The following GPC5 variants were observed in gnomAD, a reference collection of about 807,000 sequenced individuals.
The protein encoded by GPC5 is glypican 5, also known as glypican-5.
A neutral mutation model predicts 53.9 loss-of-function variants in GPC5; 47 were observed. The ratio of observed to expected loss-of-function variants is 0.87; its 90% CI spans 0.69 to 1.11. The LOEUF (loss-of-function observed/expected upper bound fraction) is 1.11. Ranked by LOEUF, GPC5 falls within the 50% of genes most tolerant of loss-of-function variation. The pLI is 0.00. For synonymous variants in GPC5, 286 were observed against 263.3 expected, an observed-to-expected ratio of 1.09 and a Z score of -0.84; for missense variants, 748 against 713.1, an observed-to-expected ratio of 1.05 and a Z score of -0.56.
intron 7 of GPC5, among the ~76,000 whole-genome samples, chr13:92,176,252 C>G (rs902251841): frequency 1.3e-5 from 2 of 152,112 alleles, no homozygotes; most frequent in African/African-American, 4.8e-5. Flanking sequence ...AGAGACTACA[C>G]CTTAAGGAGT....
chr13:92,410,793 A>AT (rs1386337815), intron 7 of GPC5, among the ~76,000 whole-genome samples: 2 of 152,206 alleles, frequency 1.3e-5, no homozygotes, highest in East Asian at 1.9e-4. Context: ...TTAAAGTATG[A>AT]TTTTTTGCTA....
In GPC5 at chr13:91,556,173, A is replaced by G. The variant is rs570420901; in HGVS notation, c.325+107251A>G. 4.6e-5 allele frequency among the ~76,000 whole-genome samples: 7 copies of G among 151,834 alleles called. No individual in the cohort carries two copies. In the East Asian group the frequency reaches 1.4e-3, roughly 29 times the overall value. ...CACTATATAACTGGAATCATACAGT[A>G]AGTGACCATTTGAGAGTGGCTTTAA... On this transcript the variant is annotated intron_variant, in intron 2 of 7. Coordinates refer to ENST00000377067, the MANE Select transcript of GPC5 (RefSeq NM_004466.6).
chr13:92,787,192 A>G (rs541911516), intron 7 of GPC5, among the ~76,000 whole-genome samples: 16 of 152,152 alleles, frequency 1.1e-4, no homozygotes, highest in South Asian at 2.1e-4. Flanking sequence ...AAAACAACCC[A>G]AAAAACTGTA....
intron 6 of GPC5, among the ~76,000 whole-genome samples, chr13:92,122,551 T>A (rs1479805758): frequency 6.6e-6 from 1 of 151,806 alleles, no homozygotes; most frequent in African/African-American, 2.4e-5. Context: ...TCTCAGTGTT[T>A]CTCCAGCTTC....
chr13:92,129,880 TGA>T (rs1454857785), intron 6 of GPC5, among the ~76,000 whole-genome samples: 2 of 151,786 alleles, frequency 1.3e-5, no homozygotes, highest in Admixed American at 6.6e-5. Context: ...TAAAGACAAG[TGA>T]GAGAGAATAG....
At chr13:92,226,492 T>C (rs1266783514) in intron 7 of GPC5, among the ~76,000 whole-genome samples, 1 of 152,182 alleles carries the variant, frequency 6.6e-6, no homozygotes, top group East Asian at 1.9e-4. Flanking sequence ...TAATTTATCT[T>C]CTTCTAACTC....
At chr13:92,524,483 T>G (rs1881199871) in intron 7 of GPC5, among the ~76,000 whole-genome samples, 1 of 152,102 alleles carries the variant, frequency 6.6e-6, no homozygotes, top group Non-Finnish European at 1.5e-5. Flanking sequence ...GTTGGTTGAA[T>G]CCATGGATGC....
At chr13:91,503,770 C>A (rs1301342589) in intron 2 of GPC5, among the ~76,000 whole-genome samples, 5 of 113,028 alleles carry the variant, frequency 4.4e-5, no homozygotes, top group African/African-American at 1.8e-4. Context: ...CAGAGTGAGA[C>A]TCTGTCTCAA....
intron 6 of GPC5, among the ~76,000 whole-genome samples, chr13:92,074,499 T>C (rs2041237305): frequency 6.6e-6 from 1 of 152,186 alleles, no homozygotes; most frequent in South Asian, 2.1e-4. Context: ...GCTGTGAATA[T>C]TCCAACTTTG....
intron 7 of GPC5, among the ~76,000 whole-genome samples, chr13:92,292,011 C>T (rs1265750519): frequency 2.6e-5 from 4 of 152,192 alleles, no homozygotes; most frequent in Non-Finnish European, 5.9e-5. Flanking sequence ...CGGCTTCATT[C>T]TTGAAGTCAG....
At chr13:91,617,913 G>A (rs1005550532) in intron 2 of GPC5, among the ~76,000 whole-genome samples, 1 of 152,070 alleles carries the variant, frequency 6.6e-6, no homozygotes, top group African/African-American at 2.4e-5. Flanking sequence ...AATGGGCATC[G>A]CTGATTTCCA....
chr13:92,529,752 A>C (rs573408777), intron 7 of GPC5, among the ~76,000 whole-genome samples: 5 of 152,302 alleles, frequency 3.3e-5, no homozygotes, highest in Non-Finnish European at 7.4e-5. Context: ...TGATCACACC[A>C]TAGAACTAGT....
At chr13:92,804,488 CT>C (rs920822845) in intron 7 of GPC5, among the ~76,000 whole-genome samples, 1 of 151,910 alleles carries the variant, frequency 6.6e-6, no homozygotes, top group Non-Finnish European at 1.5e-5. Flanking sequence ...AGCATTATGT[CT>C]AAAAAACAAT....
At chr13:91,772,419 C>T (rs1438518901) in intron 5 of GPC5, among the ~76,000 whole-genome samples, 1 of 152,096 alleles carries the variant, frequency 6.6e-6, no homozygotes, top group East Asian at 1.9e-4. Flanking sequence ...TATATAAATC[C>T]ATACATTCAG....
chr13:92,626,926 G>T (rs1008723531), intron 7 of GPC5, among the ~76,000 whole-genome samples: 1 of 151,870 alleles, frequency 6.6e-6, no homozygotes, highest in Admixed American at 6.6e-5. Flanking sequence ...TTCATATTTT[G>T]CCTTCTATAA....
At chr13:91,753,144 C>A (rs929309682) in intron 4 of GPC5, among the ~76,000 whole-genome samples, 7 of 152,108 alleles carry the variant, frequency 4.6e-5, no homozygotes, top group African/African-American at 1.7e-4. Context: ...AAAATGTCTG[C>A]CTGCCTGAAT....
intron 6 of GPC5, among the ~76,000 whole-genome samples, chr13:91,925,412 C>T (rs1324215133): frequency 6.6e-6 from 1 of 151,926 alleles, no homozygotes; most frequent in African/African-American, 2.4e-5. Flanking sequence ...TTTAAAATTC[C>T]TGTATTGTTT....
intron 2 of GPC5, among the ~76,000 whole-genome samples, chr13:91,634,929 T>C (rs988390202): frequency 3.3e-5 from 5 of 152,148 alleles, no homozygotes; most frequent in African/African-American, 1.2e-4. Context: ...TTTAAGAACT[T>C]AGACTCTTTA....
At chr13:92,324,747 T>C (rs2043239024) in intron 7 of GPC5, among the ~76,000 whole-genome samples, 1 of 151,864 alleles carries the variant, frequency 6.6e-6, no homozygotes, top group Admixed American at 6.6e-5. Context: ...ATTCTACTTA[T>C]TATTATGTTA....
Sources: allele counts gnomAD v4.1 joint callset (sites outside exome capture counted in the v4.1 genomes callset), GRCh38; gene constraint gnomAD v4.1.1; transcripts MANE v1.5; gene names NCBI Gene and HGNC (gene_info 2026-07-23, HGNC 2026-07-21).